VPS37A: variants seen among roughly 807,000 people sequenced by gnomAD.
VPS37A encodes the protein VPS37A subunit of ESCRT-I, also known as vacuolar protein sorting-associated protein 37A.
Under a neutral mutation model 49.8 loss-of-function variants are expected in VPS37A, and 30 were observed. The ratio of observed to expected loss-of-function variants is 0.60; its 90% confidence interval spans 0.45 to 0.82. The LOEUF is 0.82. VPS37A is among the 40% of genes least tolerant of loss of function. The pLI, the probability that VPS37A is intolerant of heterozygous loss-of-function variation, is 0.00. For missense variants in VPS37A, 593 were observed against 464.4 expected, an observed-to-expected ratio of 1.28 and a Z score of -2.55; for synonymous variants, 195 against 160.6, an observed-to-expected ratio of 1.21 and a Z score of -1.62.
chr8:17,281,415 T>C (rs1005729864), intron 9 of VPS37A, among the ~76,000 whole-genome samples: 1 of 152,048 alleles, frequency 6.6e-6, no homozygotes, highest in Non-Finnish European at 1.5e-5. Context: ...AGATATATAC[T>C]GGACCTTAGT....
At chr8:17,252,128 C>T (rs941300087) in intron 1 of VPS37A, among the ~76,000 whole-genome samples, 7 of 152,174 alleles carry the variant, frequency 4.6e-5, no homozygotes, top group African/African-American at 1.7e-4. Flanking sequence ...TTATTATCAA[C>T]AGTCAAAATT....
At chr8:17,261,827 G>C (rs1812988404) in intron 1 of VPS37A, among the ~76,000 whole-genome samples, 1 of 152,214 alleles carries the variant, frequency 6.6e-6, no homozygotes, top group Non-Finnish European at 1.5e-5. Context: ...ACAACATGGA[G>C]CTGCTGAATA....
At chr8:17,256,433 T>A (rs1812469520) in intron 1 of VPS37A, among the ~76,000 whole-genome samples, 1 of 150,922 alleles carries the variant, frequency 6.6e-6, no homozygotes, top group South Asian at 2.1e-4. Context: ...CCACACCCTG[T>A]ATGCTGCTTT....
the VPS37A span, among the ~76,000 whole-genome samples, chr8:17,322,472 G>A: frequency 6.6e-6 from 1 of 152,152 alleles, no homozygotes; most frequent in Non-Finnish European, 1.5e-5. Flanking sequence ...GGTTTAACAC[G>A]TGGTAAGGAA....
chr8:17,322,948 A>ATTTTTTT, the VPS37A span, among the ~76,000 whole-genome samples: 1 of 94,966 alleles, frequency 1.1e-5, no homozygotes, highest in African/African-American at 5.1e-5. Context: ...GGATTGAATT[A>ATTTTTTT]TCTTTTTTTT....
downstream of VPS37A, among the ~76,000 whole-genome samples, chr8:17,306,709 G>T (rs114343283): frequency 4.6e-3 from 695 of 152,264 alleles, 3 homozygotes; most frequent in African/African-American, 0.016. Context: ...TGAGGAAGAG[G>T]AATGAGCAAT....
At position 17,260,757 on chromosome 8, in the gene VPS37A, T is replaced by TGTTC. The variant is rs1224400865; in HGVS notation, c.126-5146_126-5143dup. 2.0e-5 allele frequency among the ~76,000 whole-genome samples: 3 copies of TGTTC among 152,322 alleles called. No individual in the cohort carries two copies. In the East Asian group the frequency reaches 5.8e-4, roughly 29 times the overall value. ...TTGGATGGCAAGTTGTTTGTTTGTT[T>TGTTC]GTTCGTTTTTTCCTTTCAGCATTTG... On this transcript the variant is annotated intron_variant, in intron 1 of 11. Coordinates refer to ENST00000324849, the MANE Select transcript of VPS37A (RefSeq NM_152415.3).
the VPS37A span, chr8:17,309,325 A>G: frequency 1.9e-6 from 3 of 1,556,966 alleles, no homozygotes; most frequent in Non-Finnish European, 2.7e-6. Context: ...TTCAATTAAT[A>G]CCTACACAAG....
chr8:17,299,690 CTT>C (rs1816973144), downstream of VPS37A: 4 of 799,960 alleles, frequency 5.0e-6, no homozygotes, highest in Non-Finnish European at 7.8e-6. Context: ...ACTACGTCCT[CTT>C]CAGTATCTAA....
At chr8:17,303,998 G>A (rs1296224743), downstream of VPS37A, among the ~76,000 whole-genome samples, 1 of 152,102 alleles carries the variant, frequency 6.6e-6, no homozygotes, top group Non-Finnish European at 1.5e-5. Context: ...TTGTATAACG[G>A]CAAAAACCAC....
rs370762932 is a variant in VPS37A at position 17,275,959 on chromosome 8, A to G, written c.643-438A>G. The stretch of plus-strand genomic sequence containing the variant: ...CAAGGGTCCTCAAGGATAAAAAGTC[A>G]TATATATTCAAACAGTGGCTACTCG... On this transcript the variant is annotated intron_variant, in intron 5 of 11. Coordinates refer to ENST00000324849, the MANE Select transcript of VPS37A (RefSeq NM_152415.3). Among the ~76,000 whole-genome samples, 9 of 152,182 alleles carry G rather than the reference A, an allele frequency of 5.9e-5. 1 individual carries two copies. The East Asian group carries it at 1.3e-3, about 23-fold the overall frequency.
intron 11 of VPS37A, among the ~76,000 whole-genome samples, chr8:17,288,812 T>C (rs1815865609): frequency 6.6e-6 from 1 of 152,228 alleles, no homozygotes; most frequent in South Asian, 2.1e-4. Context: ...TCCATAATGG[T>C]TGAACTAATT....
chr8:17,317,350 AG>A, the VPS37A span, among the ~76,000 whole-genome samples: 25 of 152,330 alleles, frequency 1.6e-4, no homozygotes, highest in Non-Finnish European at 3.4e-4. Context: ...CGATGTTTGT[AG>A]GCCCCGGCAT....
chr8:17,313,229 C>T, the VPS37A span: 1 of 1,230,544 alleles, frequency 8.1e-7, no homozygotes, highest in East Asian at 2.3e-5. Context: ...CAGAGGGATA[C>T]CCATTTTGAA....
downstream of VPS37A, among the ~76,000 whole-genome samples, chr8:17,303,225 T>C (rs954933706): frequency 6.6e-6 from 1 of 152,174 alleles, no homozygotes; most frequent in Non-Finnish European, 1.5e-5. Context: ...AATAATAAAT[T>C]AGTTGCAATC....
chr8:17,318,187 G>A, the VPS37A span, among the ~76,000 whole-genome samples: 1 of 152,084 alleles, frequency 6.6e-6, no homozygotes, highest in Non-Finnish European at 1.5e-5. Context: ...TCTCACACAT[G>A]TTTGGGATCC....
the VPS37A span, chr8:17,311,781 C>G: frequency 7.8e-7 from 1 of 1,288,730 alleles, no homozygotes; most frequent in Non-Finnish European, 1.1e-6. Context: ...AGGGCCCCCC[C>G]TAATTAGGGC....
chr8:17,264,982 A>T (rs531056863), intron 1 of VPS37A, among the ~76,000 whole-genome samples: 3 of 152,240 alleles, frequency 2.0e-5, no homozygotes, highest in Non-Finnish European at 4.4e-5. Context: ...GCCAAGAATT[A>T]TATTACCTGC....
intron 9 of VPS37A, among the ~76,000 whole-genome samples, chr8:17,282,126 T>G (rs73208577): frequency 0.08 from 12,231 of 152,028 alleles, 671 homozygotes; most frequent in South Asian, 0.2. Context: ...AAACTCCCTT[T>G]CCCAGTATCA....
Sources: gnomAD v4.1 joint callset for allele counts (sites outside exome capture counted in the v4.1 genomes callset) on GRCh38, gnomAD v4.1.1 for gene constraint, MANE v1.5 for transcripts, NCBI Gene and HGNC (gene_info 2026-07-23, HGNC 2026-07-21) for gene names.